Variants in UNC5D observed in about 807,000 individuals in gnomAD.
UNC5D encodes netrin receptor UNC5D.
UNC5D carries 39 observed loss-of-function variants against 105.4 expected under a neutral mutation model. The ratio of observed to expected loss-of-function variants is 0.37; its 90% CI spans 0.29 to 0.48. UNC5D has a LOEUF of 0.48. Among genes scored for constraint, UNC5D ranks in the 20% least tolerant of loss-of-function variants. The pLI is 0.98. For synonymous variants in UNC5D, 452 were observed against 450.4 expected, an observed-to-expected ratio of 1.00 and a Z score of -0.04; for missense variants, 991 against 1,202.4, an observed-to-expected ratio of 0.82 and a Z score of 2.60.
intron 4 of UNC5D, among the ~76,000 whole-genome samples, chr8:35,662,626 C>A (rs1418763602): frequency 6.6e-6 from 1 of 152,152 alleles, no homozygotes; most frequent in African/African-American, 2.4e-5. Context: ...ATGTATTGCA[C>A]CCCACTAACA....
At chr8:35,598,043 G>T (rs1819600045) in intron 4 of UNC5D, among the ~76,000 whole-genome samples, 1 of 151,992 alleles carries the variant, frequency 6.6e-6, no homozygotes, top group African/African-American at 2.4e-5. Context: ...TGGCCTCTCT[G>T]CTGGAGGGCT....
chr8:35,302,366 A>G (rs1325224511), intron 1 of UNC5D, among the ~76,000 whole-genome samples: 1 of 152,220 alleles, frequency 6.6e-6, no homozygotes, highest in Non-Finnish European at 1.5e-5. Flanking sequence ...TAAACCAAAT[A>G]CAACTGAAAA....
intron 4 of UNC5D, among the ~76,000 whole-genome samples, chr8:35,656,482 G>A (rs1002389771): frequency 6.7e-6 from 1 of 149,864 alleles, no homozygotes; most frequent in African/African-American, 2.5e-5. Context: ...ATCATCCAAG[G>A]GAAAAGCATT....
chr8:35,496,872 G>T (rs960719345), intron 1 of UNC5D, among the ~76,000 whole-genome samples: 5 of 151,982 alleles, frequency 3.3e-5, no homozygotes, highest in Admixed American at 2.0e-4. Flanking sequence ...ATCATACATG[G>T]TTTTTTTAAA....
chr8:35,761,686 C>T (rs1040208678), intron 14 of UNC5D, among the ~76,000 whole-genome samples: 2 of 152,176 alleles, frequency 1.3e-5, no homozygotes, highest in Non-Finnish European at 1.5e-5. Context: ...ATTTTTCTTA[C>T]CCCAAATGGC....
At chr8:35,648,115 G>T (rs1353815461) in intron 4 of UNC5D, among the ~76,000 whole-genome samples, 2 of 152,134 alleles carry the variant, frequency 1.3e-5, no homozygotes, top group Non-Finnish European at 2.9e-5. Flanking sequence ...TACAGCACCT[G>T]CAGGAAGGAA....
At chr8:35,656,288 G>A (rs909951166) in intron 4 of UNC5D, among the ~76,000 whole-genome samples, 1 of 152,104 alleles carries the variant, frequency 6.6e-6, no homozygotes, top group Non-Finnish European at 1.5e-5. Context: ...CAACTTCAGT[G>A]CAAAGGGTGT....
At chr8:35,292,346 T>C (rs1807133460) in intron 1 of UNC5D, among the ~76,000 whole-genome samples, 1 of 152,254 alleles carries the variant, frequency 6.6e-6, no homozygotes, top group Non-Finnish European at 1.5e-5. Context: ...CAAATTGCAT[T>C]GCTACAAAGC....
intron 1 of UNC5D, among the ~76,000 whole-genome samples, chr8:35,403,840 G>C (rs921412263): frequency 6.6e-6 from 1 of 152,190 alleles, no homozygotes; most frequent in African/African-American, 2.4e-5. Flanking sequence ...AATTCAGATA[G>C]TCACTCCTGG....
At chr8:35,759,293 T>C (rs756778373) in intron 13 of UNC5D, 27 bp from the exon 14 acceptor site, 2 of 1,609,734 alleles carry the variant, frequency 1.2e-6, no homozygotes, top group East Asian at 4.5e-5. Context: ...TCATTATTGA[T>C]CTTATTTTCT....
At chr8:35,681,906 C>A (rs553715987) in intron 4 of UNC5D, among the ~76,000 whole-genome samples, 1 of 152,162 alleles carries the variant, frequency 6.6e-6, no homozygotes, top group Non-Finnish European at 1.5e-5. Flanking sequence ...GTAAATAAAT[C>A]CCTTTTCAAA....
chr8:35,461,194 A>AT (rs1230351522), intron 1 of UNC5D, among the ~76,000 whole-genome samples: 2 of 152,148 alleles, frequency 1.3e-5, no homozygotes, highest in African/African-American at 2.4e-5. Context: ...CTTTCCCAGG[A>AT]ACGGTGATGG....
chr8:35,376,378 C>T (rs920667442), intron 1 of UNC5D, among the ~76,000 whole-genome samples: 5 of 152,064 alleles, frequency 3.3e-5, no homozygotes, highest in South Asian at 2.1e-4. Flanking sequence ...TGGTGAAGAA[C>T]GAGTGATCCT....
chr8:35,325,831 A>C (rs982150658), intron 1 of UNC5D, among the ~76,000 whole-genome samples: 2 of 152,178 alleles, frequency 1.3e-5, no homozygotes, highest in African/African-American at 4.8e-5. Flanking sequence ...AGGTACTAAA[A>C]TACCACAATT....
At chr8:35,314,772 G>A (rs970365708) in intron 1 of UNC5D, among the ~76,000 whole-genome samples, 3 of 152,158 alleles carry the variant, frequency 2.0e-5, no homozygotes, top group Non-Finnish European at 4.4e-5. Flanking sequence ...ACCCAATAGT[G>A]ACATAGCTTC....
intron 16 of UNC5D, among the ~76,000 whole-genome samples, chr8:35,788,715 C>A (rs1459879907): frequency 1.3e-5 from 2 of 152,050 alleles, no homozygotes; most frequent in East Asian, 3.9e-4. Context: ...CACACACACA[C>A]ACACACGAAA....
intron 1 of UNC5D, among the ~76,000 whole-genome samples, chr8:35,419,242 T>A (rs1026149774): frequency 2.6e-5 from 4 of 152,212 alleles, no homozygotes; most frequent in Non-Finnish European, 1.5e-5. Context: ...ACAGGATTCT[T>A]TTGGTGCTGC....
chr8:35,544,425 TGTAATATGTTATCTGGGGGTGGA>T lies in UNC5D; in HGVS notation c.104-4866_104-4844del, dbSNP rs766565899. On this transcript the variant is annotated intron_variant, in intron 1 of 16. Coordinates refer to ENST00000404895, the MANE Select transcript of UNC5D (RefSeq NM_080872.4). ...GTAGGGATTGTTTAAAAAAAAAAGC[TGTAATATGTTATCTGGGGGTGGA>T]TGATCCTGGTGTTAGTTAAAGCTCT... The T allele has an allele frequency of 1.9e-6, 3 of 1,606,836 alleles. No individual in the cohort carries two copies. In the African/African-American group the frequency reaches 4.0e-5, roughly 22 times the overall value.
intron 1 of UNC5D, among the ~76,000 whole-genome samples, chr8:35,514,231 C>T (rs140387159): frequency 2.2e-4 from 34 of 152,292 alleles, no homozygotes; most frequent in Non-Finnish European, 3.2e-4. Flanking sequence ...GCAACACTGC[C>T]AACCCAGATT....
Sources: allele counts gnomAD v4.1 joint callset (sites outside exome capture counted in the v4.1 genomes callset), GRCh38; gene constraint gnomAD v4.1.1; transcripts MANE v1.5; gene names NCBI Gene and HGNC (gene_info 2026-07-23, HGNC 2026-07-21).